The following UGT1A3 variants were observed in gnomAD, a reference collection of about 807,000 sequenced individuals.
The protein encoded by UGT1A3 is UDP glucuronosyltransferase family 1 member A3.
In UGT1A3, 31 loss-of-function variants were observed where a neutral mutation model predicts 41.0. The ratio of observed to expected loss-of-function variants is 0.76; its 90% CI spans 0.57 to 1.02. The LOEUF (loss-of-function observed/expected upper bound fraction) is 1.02. Ranked by LOEUF, UGT1A3 falls within the 50% of genes least tolerant of loss-of-function variation. The probability of loss-of-function intolerance (pLI) is 0.00; values close to 1 mark genes in which losing one functional copy is unlikely to be tolerated. For synonymous variants in UGT1A3, 262 were observed against 257.6 expected, an observed-to-expected ratio of 1.02 and a Z score of -0.17; for missense variants, 737 against 671.0, an observed-to-expected ratio of 1.10 and a Z score of -1.09.
intron 1 of UGT1A3, among the ~76,000 whole-genome samples, chr2:233,737,818 G>C (rs554188879): frequency 2.0e-5 from 3 of 152,134 alleles, no homozygotes; most frequent in South Asian, 2.1e-4. Flanking sequence ...CAGTGGAGCA[G>C]AACAAATTGG....
At chr2:233,746,859 G>T (rs1300459019) in intron 1 of UGT1A3, among the ~76,000 whole-genome samples, 1 of 151,794 alleles carries the variant, frequency 6.6e-6, no homozygotes, top group South Asian at 2.1e-4. Context: ...CTCAGCTGCA[G>T]CCTGATAAAC....
chr2:233,750,953 C>T (rs1348696377), intron 1 of UGT1A3, among the ~76,000 whole-genome samples: 2 of 151,802 alleles, frequency 1.3e-5, no homozygotes, highest in Non-Finnish European at 2.9e-5. Context: ...ACAGAGTCTC[C>T]ACTGGGGCAC....
chr2:233,752,978 A>G (rs961719654), intron 1 of UGT1A3, among the ~76,000 whole-genome samples: 31 of 152,180 alleles, frequency 2.0e-4, no homozygotes, highest in Middle Eastern at 3.2e-3. Flanking sequence ...AATTGTGTAG[A>G]TACAAACCCA....
chr2:233,768,209 T>C lies in UGT1A3; in HGVS notation c.1088-11T>C, dbSNP rs765320155. 1 of 1,614,150 alleles carries C rather than the reference T, an allele frequency of 6.2e-7. No individual in the cohort carries two copies. Among genetic ancestry groups the C allele is most frequent in the Admixed American group, 1.7e-5 (1 of 60,012 alleles). On this transcript the variant is annotated splice_polypyrimidine_tract_variant and intron_variant, in intron 3 of 4. Transcript: ENST00000482026. ...TGTAACTGCTGACATCCTCCCTATT[T>C]TGCATCTCAGGTCACCCGATGACCC...
intron 1 of UGT1A3, chr2:233,760,350 C>T (rs1374994213): frequency 1.2e-6 from 2 of 1,613,944 alleles, no homozygotes; most frequent in African/African-American, 2.7e-5. Context: ...GTGTGCTGGG[C>T]CCAGTGGTGT....
rs769310438 is a variant in UGT1A3 at position 233,760,575 on chromosome 2, G to A, written c.868-6459G>A. The A allele has an allele frequency of 1.1e-5, 18 of 1,614,108 alleles. No individual in the cohort carries two copies. Among genetic ancestry groups the A allele is most frequent in the Non-Finnish European group, 1.5e-5 (18 of 1,180,054 alleles). On this transcript the variant is annotated intron_variant, in intron 1 of 4. Transcript: ENST00000482026. ...TGAAAGAGTCTTTTGTTAGTCTCGG[G>A]CATAATGTTTTTGAGAATGATTCTT... is the stretch of plus-strand genomic sequence containing the variant.
In UGT1A3 at chr2:233,768,392, T is replaced by G. The variant is rs761552961; in HGVS notation, c.1260T>G (p.Thr420=). The G allele has an allele frequency of 1.2e-6, 2 of 1,614,156 alleles. No homozygotes were observed. Among genetic ancestry groups the G allele is most frequent in the Non-Finnish European group, 1.7e-6 (2 of 1,180,042 alleles). Residue 420 remains threonine, a synonymous_variant, in exon 4 of 5, where the codon ACT becomes ACG. Coordinates refer to ENST00000482026, the MANE Select transcript of UGT1A3 (RefSeq NM_019093.4). Reference sequence around the variant, plus strand: ...TGACCCTGAATGTTCTGGAAATGACTTCTGAAGATTTAGAAAATGCTCTAA... The same window carrying G: ...TGACCCTGAATGTTCTGGAAATGACGTCTGAAGATTTAGAAAATGCTCTAA... ...AGVTLNVLEM[T]SEDLENALKA...
At chr2:233,755,966 T>C (rs1157014475) in intron 1 of UGT1A3, 5 of 152,190 alleles carry the variant, frequency 3.3e-5, no homozygotes, top group African/African-American at 7.2e-5. Context: ...CTTGGCTCTA[T>C]AGAGAGGTGG....
At chr2:233,760,848 C>T (rs1237758968) in intron 1 of UGT1A3, 1 of 1,613,934 alleles carries the variant, frequency 6.2e-7, no homozygotes, top group African/African-American at 1.3e-5. Flanking sequence ...CCCAGTGCCC[C>T]AACCCATTCT....
chr2:233,732,773 C>CTTTT (rs2078315229), intron 1 of UGT1A3, among the ~76,000 whole-genome samples: 1 of 103,190 alleles, frequency 9.7e-6, no homozygotes, highest in Admixed American at 1.1e-4. Flanking sequence ...TTTTTTTTTG[C>CTTTT]TTAGGATTGT....
At position 233,769,609 on chromosome 2, in the gene UGT1A3, C is replaced by A. The variant is rs776582226; in HGVS notation, c.1307+1170C>A. On this transcript the variant is annotated intron_variant, in intron 4 of 4. Coordinates refer to ENST00000482026, the MANE Select transcript of UGT1A3 (RefSeq NM_019093.4). The surrounding 1 kb of genome is among the most constrained non-coding windows in gnomAD (Gnocchi z 4.4). Reference sequence around the variant, plus strand: ...AGAGGAGACGGAACACGGGGACACACCAGCTTGAGCAAGGGACAACAGGGG... The same window carrying A: ...AGAGGAGACGGAACACGGGGACACAACAGCTTGAGCAAGGGACAACAGGGG... The A allele has an allele frequency of 4.3e-6, 7 of 1,612,634 alleles. No individual in the cohort carries two copies. The highest frequency in any genetic ancestry group is 1.7e-4 in the Middle Eastern group (1 of 6,054).
At chr2:233,751,660 A>C (rs1210914952) in intron 1 of UGT1A3, among the ~76,000 whole-genome samples, 4 of 152,204 alleles carry the variant, frequency 2.6e-5, no homozygotes, top group Admixed American at 6.5e-5. Flanking sequence ...CATCCTACTG[A>C]GTGAGTTCTA....
In UGT1A3 at chr2:233,729,701, C is replaced by G; in HGVS notation, c.575C>G (p.Ser192Cys). 1 of 1,613,960 alleles carries G rather than the reference C, an allele frequency of 6.2e-7. No homozygotes were observed. Residue 192 changes from serine (S) to cysteine (C), a missense_variant, in exon 1 of 5, where the codon TCC becomes TGC. Coordinates refer to ENST00000482026, the MANE Select transcript of UGT1A3 (RefSeq NM_019093.4). ...FKGTQCPNPS[S>C]YIPRLLTTNS... ...GGCACACAGTGTCCAAACCCTTCCT[C>G]CTATATTCCTAGATTACTAACAACC... is the stretch of plus-strand genomic sequence containing the variant.
rs945545582 is a variant in UGT1A3, at chr2:233,772,813, G to A, written c.*254G>A. On this transcript the variant is annotated 3_prime_UTR_variant, in exon 5 of 5. Coordinates refer to ENST00000482026, the MANE Select transcript of UGT1A3 (RefSeq NM_019093.4). ...TGACATGTGCCATTTTTCAGAGGAC[G>A]TGCAGACAGGCTGGCATTCTAGATT... 2 of 1,026,302 alleles carry A rather than the reference G, an allele frequency of 1.9e-6. No individual in the cohort carries two copies. Among genetic ancestry groups the A allele is most frequent in the Admixed American group, 3.1e-5 (1 of 32,076 alleles). 63.6% of individuals were successfully genotyped at this position (1,026,302 alleles called of 1,614,324 possible).
At position 233,767,929 on chromosome 2, in the gene UGT1A3, T is replaced by A; in HGVS notation, c.1080T>A (p.Asp360Glu). 1 of 1,614,196 alleles carries A rather than the reference T, an allele frequency of 6.2e-7. No individual in the cohort carries two copies. Among genetic ancestry groups the A allele is most frequent in the South Asian group, 1.1e-5 (1 of 91,080 alleles). The change falls in exon 3 of 5, where the codon GAT becomes GAA. Residue 360 changes from aspartate to glutamate, a missense_variant. By Grantham distance (45) the Asp-to-Glu change is conservative. Coordinates refer to ENST00000482026, the MANE Select transcript of UGT1A3 (RefSeq NM_019093.4). ...TTGTTAAGTGGCTACCCCAAAACGA[T>A]CTGCTTGGTATGTTGGGCGGATTGG... ...TILVKWLPQN[D>E]LLGHPMTRAF...
chr2:233,768,579 C>G (rs1408640204), intron 4 of UGT1A3, 140 bp downstream of exon 4: 7 of 934,896 alleles, frequency 7.5e-6, no homozygotes, highest in Non-Finnish European at 8.5e-6. Flanking sequence ...ATTTTTATTT[C>G]TTCTTTTTTT....
At chr2:233,744,610 G>T (rs1221206555) in intron 1 of UGT1A3, among the ~76,000 whole-genome samples, 1 of 151,880 alleles carries the variant, frequency 6.6e-6, no homozygotes, top group Non-Finnish European at 1.5e-5. Flanking sequence ...TTAGTACTTG[G>T]CTCTATAGAG....
chr2:233,768,031 A>G (rs1699551852), intron 3 of UGT1A3, 95 bp downstream of exon 3: 2 of 1,612,748 alleles, frequency 1.2e-6, no homozygotes, highest in Non-Finnish European at 8.5e-7. Context: ...GAGCTTGAAA[A>G]TATTATGGCC....
At chr2:233,735,547 G>A (rs571609142) in intron 1 of UGT1A3, among the ~76,000 whole-genome samples, 2 of 152,250 alleles carry the variant, frequency 1.3e-5, no homozygotes, top group South Asian at 4.1e-4. Flanking sequence ...ATTTGATCCT[G>A]TCATTATGGT....
Sources: allele counts gnomAD v4.1 joint callset (sites outside exome capture counted in the v4.1 genomes callset), GRCh38; gene constraint gnomAD v4.1.1; non-coding constraint Gnocchi (gnomAD v3.1); transcripts MANE v1.5; gene names NCBI Gene and HGNC (gene_info 2026-07-23, HGNC 2026-07-21).